SLC25A21: variants seen among roughly 807,000 people sequenced by gnomAD.
The protein encoded by SLC25A21 is solute carrier family 25 member 21, also known as mitochondrial 2-oxodicarboxylate carrier.
A neutral mutation model predicts 43.8 loss-of-function variants in SLC25A21; 47 were observed. The ratio of observed to expected loss-of-function variants is 1.07; its 90% CI spans 0.85 to 1.37. The LOEUF (loss-of-function observed/expected upper bound fraction) is 1.37, where lower values mean the gene tolerates loss of function less well. SLC25A21 is among the 40% of genes most tolerant of loss of function. The probability of loss-of-function intolerance (pLI) is 0.00; values close to 1 mark genes in which losing one functional copy is unlikely to be tolerated. For missense variants in SLC25A21, 352 were observed against 350.2 expected (o/e 1.00, Z -0.04); for synonymous variants, 131 against 121.3 (o/e 1.08, Z -0.52).
intron 1 of SLC25A21, among the ~76,000 whole-genome samples, chr14:37,094,585 C>G (rs910749783): frequency 2.0e-5 from 3 of 152,124 alleles, no homozygotes; most frequent in African/African-American, 7.2e-5. Context: ...TACACATACA[C>G]ATACATACTT....
intron 1 of SLC25A21, among the ~76,000 whole-genome samples, chr14:37,092,495 G>C (rs1411381339): frequency 6.6e-6 from 1 of 152,268 alleles, no homozygotes; most frequent in South Asian, 2.1e-4. Flanking sequence ...GGGTTTTCTC[G>C]AGGTGGATTA....
chr14:36,804,975 A>G (rs1479556775), intron 3 of SLC25A21, among the ~76,000 whole-genome samples: 1 of 152,126 alleles, frequency 6.6e-6, no homozygotes, highest in Non-Finnish European at 1.5e-5. Context: ...GCCTAAAAAT[A>G]TTTCCAGTGG....
chr14:36,770,441 G>C (rs574253886), intron 3 of SLC25A21, among the ~76,000 whole-genome samples: 51 of 152,244 alleles, frequency 3.3e-4, no homozygotes, highest in South Asian at 1.5e-3. Context: ...TGGGTGATGG[G>C]ATCATGTGTA....
chr14:37,057,370 T>A (rs1411094001), intron 1 of SLC25A21, among the ~76,000 whole-genome samples: 1 of 152,212 alleles, frequency 6.6e-6, no homozygotes, highest in East Asian at 1.9e-4. Flanking sequence ...ATAAATTTTA[T>A]GATGAATTTA....
intron 2 of SLC25A21, among the ~76,000 whole-genome samples, chr14:36,816,018 C>T (rs1436508694): frequency 6.6e-6 from 1 of 152,156 alleles, no homozygotes; most frequent in African/African-American, 2.4e-5. Flanking sequence ...AGTTCTAGGC[C>T]TCACAGAATT....
At chr14:37,066,808 T>C (rs921733001) in intron 1 of SLC25A21, among the ~76,000 whole-genome samples, 38 of 152,106 alleles carry the variant, frequency 2.5e-4, no homozygotes, top group African/African-American at 8.4e-4. Context: ...GCATAAAATA[T>C]TGATAATAGA....
intron 1 of SLC25A21, among the ~76,000 whole-genome samples, chr14:37,171,526 T>C (rs1964128766): frequency 6.6e-6 from 1 of 152,172 alleles, no homozygotes; most frequent in South Asian, 2.1e-4. Context: ...ATAATAAAAA[T>C]GCATGACTGT....
intron 1 of SLC25A21, among the ~76,000 whole-genome samples, chr14:37,146,786 G>A (rs1357642728): frequency 2.0e-5 from 3 of 152,194 alleles, no homozygotes; most frequent in African/African-American, 7.2e-5. Context: ...ATGCAATGCT[G>A]ATAAAATATA....
intron 1 of SLC25A21, among the ~76,000 whole-genome samples, chr14:37,016,612 A>G (rs1030386906): frequency 6.6e-6 from 1 of 152,082 alleles, no homozygotes; most frequent in Non-Finnish European, 1.5e-5. Context: ...CACCAATTGC[A>G]TTAGCTCCTA....
chr14:36,914,552 A>T (rs1051612576), intron 1 of SLC25A21, among the ~76,000 whole-genome samples: 1 of 152,138 alleles, frequency 6.6e-6, no homozygotes, highest in African/African-American at 2.4e-5. Context: ...GATATTTAAG[A>T]CCAACTTCTG....
intron 2 of SLC25A21, among the ~76,000 whole-genome samples, chr14:36,850,065 G>A (rs1889675649): frequency 6.6e-6 from 1 of 152,076 alleles, no homozygotes; most frequent in South Asian, 2.1e-4. Flanking sequence ...GTGAAGTGCT[G>A]TGATAAGAGA....
At chr14:36,685,577 C>T (rs76268839) in intron 7 of SLC25A21, among the ~76,000 whole-genome samples, 324 of 152,208 alleles carry the variant, frequency 2.1e-3, no homozygotes, top group African/African-American at 7.3e-3. Flanking sequence ...AATTTACAAT[C>T]CATTGTTTTG....
At chr14:36,811,137 G>T (rs181543178) in intron 3 of SLC25A21, among the ~76,000 whole-genome samples, 2 of 152,216 alleles carry the variant, frequency 1.3e-5, no homozygotes, top group Admixed American at 1.3e-4. Context: ...TGTGAAGAAG[G>T]ATCATGCCAC....
intron 1 of SLC25A21, among the ~76,000 whole-genome samples, chr14:37,118,016 TG>T: frequency 6.6e-6 from 1 of 152,078 alleles, no homozygotes; most frequent in East Asian, 1.9e-4. Context: ...ATAGTTTAAA[TG>T]ATAATAGCCC....
chr14:37,026,852 T>A lies in SLC25A21; in HGVS notation c.70+145429A>T, dbSNP rs75340833. Among the ~76,000 whole-genome samples the A allele has an allele frequency of 0.016, 2,420 of 152,206 alleles. 178 individuals carry two copies. In the East Asian group the frequency reaches 0.25, roughly 16 times the overall value. ...TGTTATTTAAATAATAGTTGTCCCG[T>A]GTGTGGCTAATTCTACTTATGACAA... On this transcript the variant is annotated intron_variant, in intron 1 of 9. Transcript: ENST00000331299.
At chr14:36,972,805 G>A (rs1404295289) in intron 1 of SLC25A21, among the ~76,000 whole-genome samples, 1 of 151,854 alleles carries the variant, frequency 6.6e-6, no homozygotes, top group African/African-American at 2.4e-5. Context: ...GTTAGAATGT[G>A]GAACTTTTTT....
In SLC25A21 at chr14:37,085,827, C is replaced by T. The variant is rs183451100; in HGVS notation, c.70+86454G>A. Among the ~76,000 whole-genome samples, 66 of 152,240 alleles carry T rather than the reference C, an allele frequency of 4.3e-4. 1 individual carries two copies. The highest frequency in any genetic ancestry group is 6.8e-3 in the Middle Eastern group (2 of 292). On this transcript the variant is annotated intron_variant, in intron 1 of 9. Coordinates refer to ENST00000331299, the MANE Select transcript of SLC25A21 (RefSeq NM_030631.4). ...AAACACTTACTTCTGAAAACTTGGC[C>T]GGCCGCGGTGGCTTACGCCTGTAAT...
intron 2 of SLC25A21, among the ~76,000 whole-genome samples, chr14:36,814,681 G>A (rs185185734): frequency 6.6e-6 from 1 of 152,312 alleles, no homozygotes; most frequent in East Asian, 1.9e-4. Context: ...AGATGCTGGC[G>A]AGACTGTGGA....
intron 3 of SLC25A21, among the ~76,000 whole-genome samples, chr14:36,757,450 T>C (rs1885977657): frequency 6.6e-6 from 1 of 152,182 alleles, no homozygotes; most frequent in African/African-American, 2.4e-5. Flanking sequence ...TGACCACTCA[T>C]TTTCTTCTGG....
Sources: allele counts gnomAD v4.1 joint callset (sites outside exome capture counted in the v4.1 genomes callset), GRCh38; gene constraint gnomAD v4.1.1; transcripts MANE v1.5; gene names NCBI Gene and HGNC (gene_info 2026-07-23, HGNC 2026-07-21).